The following KCNH1 variants were observed in gnomAD, a reference collection of about 807,000 sequenced individuals.
KCNH1 encodes the protein potassium voltage-gated channel subfamily H member 1.
A neutral mutation model predicts 69.2 loss-of-function variants in KCNH1; 27 were observed. The ratio of observed to expected loss-of-function variants is 0.39; its 90% confidence interval spans 0.29 to 0.54. KCNH1 has a LOEUF of 0.54. KCNH1 is among the 20% of genes least tolerant of loss of function. The probability of loss-of-function intolerance (pLI) is 0.68; values close to 1 mark genes in which losing one functional copy is unlikely to be tolerated. For missense variants in KCNH1, 798 were observed against 1,261.6 expected (o/e 0.63, Z 5.57); for synonymous variants, 456 against 487.7 (o/e 0.93, Z 0.86).
chr1:211,078,152 T>G (rs1690772198), intron 5 of KCNH1, among the ~76,000 whole-genome samples: 1 of 152,128 alleles, frequency 6.6e-6, no homozygotes, highest in African/African-American at 2.4e-5. Flanking sequence ...AGACTTAGAC[T>G]CCAACCCAGT....
At chr1:210,886,821 A>T (rs1686619923) in intron 7 of KCNH1, among the ~76,000 whole-genome samples, 1 of 152,154 alleles carries the variant, frequency 6.6e-6, no homozygotes, top group African/African-American at 2.4e-5. Context: ...ACTTAATGAA[A>T]TAAAGTGTGA....
Position 210,718,649 on chromosome 1 carries a change from TATAC to T in KCNH1, c.2113-34515_2113-34512del, listed in dbSNP as rs1476459393. Among the ~76,000 whole-genome samples the T allele has an allele frequency of 1.8e-3, 131 of 72,326 alleles. 17 individuals carry two copies. Among genetic ancestry groups the T allele is most frequent in the African/African-American group, 3.0e-3 (33 of 11,036 alleles). The allele number at this position is 72,326 out of a possible 152,430, so 47.4% of individuals were successfully genotyped here. A position where few individuals can be genotyped will look rare whatever the true frequency, so the allele number is the denominator to read the frequency against. On this transcript the variant is annotated intron_variant, in intron 10 of 10. Coordinates refer to ENST00000271751, the MANE Select transcript of KCNH1 (RefSeq NM_172362.3). The stretch of plus-strand genomic sequence containing the variant: ...GTATAAATATATATATACATATATA[TATAC>T]ACACACACACACACACACACACACA...
chr1:210,723,231 A>T (rs1682513075), intron 10 of KCNH1, among the ~76,000 whole-genome samples: 1 of 152,184 alleles, frequency 6.6e-6, no homozygotes, highest in Admixed American at 6.5e-5. Context: ...TACATTTTTT[A>T]ACTTAAGATT....
intron 3 of KCNH1, among the ~76,000 whole-genome samples, chr1:211,101,543 A>G (rs1691257336): frequency 6.6e-6 from 1 of 152,204 alleles, no homozygotes; most frequent in Non-Finnish European, 1.5e-5. Flanking sequence ...CTTTGTGTGA[A>G]TTAGAAAGAG....
chr1:211,119,169 G>A (rs893210257), intron 1 of KCNH1, among the ~76,000 whole-genome samples: 1 of 152,100 alleles, frequency 6.6e-6, no homozygotes, highest in African/African-American at 2.4e-5. Flanking sequence ...GACCATTCTG[G>A]CTAACATGGT....
At chr1:210,864,411 C>T (rs947974096) in intron 7 of KCNH1, among the ~76,000 whole-genome samples, 1 of 152,150 alleles carries the variant, frequency 6.6e-6, no homozygotes, top group Non-Finnish European at 1.5e-5. Flanking sequence ...GAGATTATCA[C>T]CAAGTTCCTC....
At chr1:210,700,441 C>T (rs1681745918) in intron 10 of KCNH1, among the ~76,000 whole-genome samples, 1 of 152,282 alleles carries the variant, frequency 6.6e-6, no homozygotes, top group East Asian at 1.9e-4. Context: ...GTCCAAGTAC[C>T]TTCTGACTCC....
chr1:211,133,208 C>T lies in KCNH1; in HGVS notation c.79+659G>A, dbSNP rs1371792857. ...TGTACCTGTGACCATTTAGTTCGCT[C>T]TGCACCTGTGCCCTCCACTTCCCAC... On this transcript the variant is annotated intron_variant, in intron 1 of 10. Transcript: ENST00000271751. This position sits in a 1 kb window ranked among gnomAD's most constrained non-coding sequence, Gnocchi z 5.4. 1 of 152,326 alleles carries T rather than the reference C, an allele frequency of 6.6e-6. No homozygotes were observed. Among genetic ancestry groups the T allele is most frequent in the Non-Finnish European group, 1.5e-5 (1 of 68,146 alleles). The allele number at this position is 152,326 out of a possible 1,614,324, so 9.4% of individuals were successfully genotyped here. A position where few individuals can be genotyped will look rare whatever the true frequency, so the allele number is the denominator to read the frequency against.
chr1:210,783,479 G>A (rs1270914775), intron 9 of KCNH1, among the ~76,000 whole-genome samples: 1 of 152,154 alleles, frequency 6.6e-6, no homozygotes, highest in African/African-American at 2.4e-5. Context: ...CCAGAATAAA[G>A]ACTAAATTGC....
chr1:211,046,419 C>T (rs1404191649), intron 5 of KCNH1, among the ~76,000 whole-genome samples: 2 of 152,260 alleles, frequency 1.3e-5, no homozygotes, highest in Admixed American at 6.5e-5. Context: ...AGATGCCCTT[C>T]CCCAGGAGCG....
intron 7 of KCNH1, among the ~76,000 whole-genome samples, chr1:210,840,753 T>A (rs1190722218): frequency 2.0e-5 from 3 of 152,168 alleles, no homozygotes; most frequent in African/African-American, 4.8e-5. Context: ...GTGGAAGTTA[T>A]CATTTCAGAC....
chr1:210,767,507 T>A (rs1475518447), intron 10 of KCNH1, among the ~76,000 whole-genome samples: 1 of 152,206 alleles, frequency 6.6e-6, no homozygotes, highest in Non-Finnish European at 1.5e-5. Context: ...CTAAAGAGCA[T>A]CTAGACCCTG....
chr1:210,827,347 AAAAG>A (rs752700837), intron 7 of KCNH1, among the ~76,000 whole-genome samples: 2 of 116,006 alleles, frequency 1.7e-5, no homozygotes, highest in African/African-American at 3.1e-5. Context: ...CAGAAAAAGA[AAAAG>A]AAAAAAAAGA....
intron 7 of KCNH1, among the ~76,000 whole-genome samples, chr1:210,883,735 G>A (rs1202242484): frequency 1.3e-5 from 2 of 152,246 alleles, no homozygotes; most frequent in Non-Finnish European, 2.9e-5. Context: ...TCACAGGATT[G>A]TGGTATTGTC....
intron 1 of KCNH1, among the ~76,000 whole-genome samples, chr1:211,118,989 TAC>T (rs1238014511): frequency 6.6e-6 from 1 of 152,208 alleles, no homozygotes; most frequent in Non-Finnish European, 1.5e-5. Flanking sequence ...TGAGATATTT[TAC>T]TTAGAAGAGC....
At chr1:210,937,943 TG>T (rs1191244640) in intron 6 of KCNH1, among the ~76,000 whole-genome samples, 4 of 152,238 alleles carry the variant, frequency 2.6e-5, no homozygotes, top group Non-Finnish European at 4.4e-5. Context: ...TCCATTTATG[TG>T]GCTTTAACCA....
At chr1:210,836,133 AT>A (rs755928747) in intron 7 of KCNH1, among the ~76,000 whole-genome samples, 1 of 148,972 alleles carries the variant, frequency 6.7e-6, no homozygotes, top group African/African-American at 2.5e-5. Flanking sequence ...AAAAAAAAAA[AT>A]TTCTATATTG....
chr1:210,831,095 G>A lies in KCNH1; in HGVS notation c.1463-26929C>T, dbSNP rs181553297. ...AGTCTGACCAAGCATTTGAGAAAGCGTGATTTTGTCATAAAGACACCTGCA... is the reference window on the plus strand; with the variant it reads ...AGTCTGACCAAGCATTTGAGAAAGCATGATTTTGTCATAAAGACACCTGCA... On this transcript the variant is annotated intron_variant, in intron 7 of 10. Transcript: ENST00000271751. Among the ~76,000 whole-genome samples the A allele has an allele frequency of 3.3e-5, 5 of 152,320 alleles. No individual in the cohort carries two copies. In the East Asian group the frequency reaches 7.7e-4, roughly 24 times the overall value.
chr1:210,871,568 C>T (rs1045251600), intron 7 of KCNH1, among the ~76,000 whole-genome samples: 21 of 152,078 alleles, frequency 1.4e-4, no homozygotes, highest in South Asian at 8.3e-4. Context: ...ACACAAAGGA[C>T]TATAAATCAT....
Sources: allele counts gnomAD v4.1 joint callset (sites outside exome capture counted in the v4.1 genomes callset), GRCh38; gene constraint gnomAD v4.1.1; non-coding constraint Gnocchi (gnomAD v3.1); transcripts MANE v1.5; gene names NCBI Gene and HGNC (gene_info 2026-07-23, HGNC 2026-07-21).